The following SLC35A3 variants were observed in gnomAD, a reference collection of about 807,000 sequenced individuals.
SLC35A3 encodes the protein UDP-N-acetylglucosamine transporter.
SLC35A3 carries 26 observed loss-of-function variants against 39.0 expected under a neutral mutation model. The observed-to-expected ratio is 0.67, with a 90% CI of 0.49 to 0.92. SLC35A3 has a LOEUF of 0.92. Among genes scored for constraint, SLC35A3 ranks in the 40% least tolerant of loss-of-function variants. The pLI, the probability that SLC35A3 is intolerant of heterozygous loss-of-function variation, is 0.00. For synonymous variants in SLC35A3, 135 were observed against 133.1 expected, an observed-to-expected ratio of 1.01 and a Z score of -0.10; for missense variants, 299 against 371.6, an observed-to-expected ratio of 0.80 and a Z score of 1.61.
Position 100,024,885 on chromosome 1 carries a change from C to G in SLC35A3, c.*2409C>G. On this transcript the variant is annotated 3_prime_UTR_variant, in exon 8 of 8. Transcript: ENST00000533028. Reference sequence around the variant, plus strand: ...TGGATTTTATTAAACAGAATTGGCTCAAAAATACTATGTTACAGACTGTTG... The same window carrying G: ...TGGATTTTATTAAACAGAATTGGCTGAAAAATACTATGTTACAGACTGTTG... The G allele has an allele frequency of 2.7e-6, 1 of 369,588 alleles. No homozygotes were observed. The highest frequency in any genetic ancestry group is 3.9e-5 in the East Asian group (1 of 25,692). 22.9% of individuals were successfully genotyped at this position (369,588 alleles called of 1,614,324 possible).
intron 1 of SLC35A3, among the ~76,000 whole-genome samples, chr1:99,991,467 T>C (rs563253146): frequency 6.6e-6 from 1 of 152,308 alleles, no homozygotes; most frequent in South Asian, 2.1e-4. Flanking sequence ...ACTGTAGTTT[T>C]ATAGTAAGTC....
chr1:100,030,116 C>T lies in SLC35A3; in HGVS notation c.*7640C>T, dbSNP rs1157128643. 6.6e-6 allele frequency: 1 copy of T among 152,220 alleles called. No individual in the cohort carries two copies. Among genetic ancestry groups the T allele is most frequent in the Non-Finnish European group, 1.5e-5 (1 of 68,034 alleles). The allele number at this position is 152,220 out of a possible 1,614,324, so 9.4% of individuals were successfully genotyped here. On this transcript the variant is annotated 3_prime_UTR_variant, in exon 8 of 8. Transcript: ENST00000533028. Reference sequence around the variant, plus strand: ...TAGGGCTTCACTAGTGTTAGGATCACATTTTCCTCCCTTGGACCTGAGAAT... The same window carrying T: ...TAGGGCTTCACTAGTGTTAGGATCATATTTTCCTCCCTTGGACCTGAGAAT...
At position 99,990,433 on chromosome 1, in the gene SLC35A3, G is replaced by T. The variant is rs564339941; in HGVS notation, c.-18-3104G>T. Among the ~76,000 whole-genome samples, 31 of 152,214 alleles carry T rather than the reference G, an allele frequency of 2.0e-4. 1 individual carries two copies. In the South Asian group the frequency reaches 5.0e-3, roughly 24 times the overall value. The stretch of plus-strand genomic sequence containing the variant: ...TACTAAAAATACAAAAATTAGCTGG[G>T]TGTGGTGGCGTGTGCTTGTAATTCC... On this transcript the variant is annotated intron_variant, in intron 1 of 7. Coordinates refer to ENST00000533028, the MANE Select transcript of SLC35A3 (RefSeq NM_012243.3).
chr1:100,015,254 C>A, intron 5 of SLC35A3, 48 bp from the exon 6 acceptor site: 2 of 1,447,912 alleles, frequency 1.4e-6, no homozygotes, highest in East Asian at 2.6e-5. Flanking sequence ...AAATATATCT[C>A]TTCAGACAAA....
intron 2 of SLC35A3, among the ~76,000 whole-genome samples, chr1:99,998,833 T>C (rs1242082888): frequency 6.6e-6 from 1 of 152,162 alleles, no homozygotes; most frequent in African/African-American, 2.4e-5. Flanking sequence ...TGATTTACCT[T>C]CTTTTAATGA....
In SLC35A3 at chr1:100,007,161, C is replaced by A; in HGVS notation, c.465+5C>A. The A allele has an allele frequency of 6.3e-7, 1 of 1,599,624 alleles. No homozygotes were observed. The highest frequency in any genetic ancestry group is 8.5e-7 in the Non-Finnish European group (1 of 1,173,136). On this transcript the variant is annotated splice_donor_5th_base_variant and intron_variant, in intron 4 of 7. Transcript: ENST00000533028. ...ACAGGAGTTGCTTTTGTACAGGTAA[C>A]TATTCAAGATAAGTATATATTTTTA...
chr1:99,979,841 C>G (rs1434705830), intron 1 of SLC35A3, among the ~76,000 whole-genome samples: 1 of 151,842 alleles, frequency 6.6e-6, no homozygotes, highest in East Asian at 2.0e-4. Flanking sequence ...GTCAGGAGTT[C>G]GAGACCACCC....
intron 1 of SLC35A3, among the ~76,000 whole-genome samples, chr1:99,992,223 G>C (rs1310426443): frequency 6.6e-6 from 1 of 152,000 alleles, no homozygotes; most frequent in Non-Finnish European, 1.5e-5. Flanking sequence ...GTTAGTTTTT[G>C]CTTTATGTAT....
Position 100,007,058 on chromosome 1 carries a change from A to C in SLC35A3, c.367A>C (p.Thr123Pro). Residue 123 changes from threonine (T) to proline (P), a missense_variant, in exon 4 of 8, where the codon ACA (threonine) becomes CCA (proline). By Grantham distance (38) the Thr-to-Pro change is conservative. Coordinates refer to ENST00000533028, the MANE Select transcript of SLC35A3 (RefSeq NM_012243.3). ...YQVTYQLKIL[T>P]TALFSVSMLS... ...GGTCACGTATCAGTTAAAAATTCTT[A>C]CAACAGCATTATTTTCTGTGTCTAT... 1 of 1,607,846 alleles carries C rather than the reference A, an allele frequency of 6.2e-7. No individual in the cohort carries two copies. The highest frequency in any genetic ancestry group is 2.2e-5 in the East Asian group (1 of 44,780).
intron 7 of SLC35A3, among the ~76,000 whole-genome samples, chr1:100,018,238 A>T (rs528244318): frequency 6.6e-6 from 1 of 152,308 alleles, no homozygotes; most frequent in African/African-American, 2.4e-5. Flanking sequence ...CTGGAAAGGA[A>T]TTGCAGGAGG....
intron 1 of SLC35A3, among the ~76,000 whole-genome samples, chr1:99,980,190 A>G (rs1161779213): frequency 6.7e-6 from 1 of 150,246 alleles, no homozygotes; most frequent in East Asian, 1.9e-4. Context: ...CAATCTTCTT[A>G]GTTTTGAATC....
In SLC35A3 at chr1:100,032,960, A is replaced by G. The variant is rs931618982; in HGVS notation, c.*10484A>G. The G allele has an allele frequency of 6.6e-6, 1 of 152,202 alleles. No homozygotes were observed. Among genetic ancestry groups the G allele is most frequent in the African/African-American group, 2.4e-5 (1 of 41,460 alleles). The allele number at this position is 152,202 out of a possible 1,614,324, so 9.4% of individuals were successfully genotyped here. On this transcript the variant is annotated 3_prime_UTR_variant, in exon 8 of 8. Transcript: ENST00000533028. ...TTGTTCCAAATTTGGATTATCAGCTAATTCTCCAAGGAGCCCTATACCTTT... is the reference window on the plus strand; with the variant it reads ...TTGTTCCAAATTTGGATTATCAGCTGATTCTCCAAGGAGCCCTATACCTTT...
At chr1:100,004,851 T>C (rs1025879723) in intron 3 of SLC35A3, among the ~76,000 whole-genome samples, 11 of 152,292 alleles carry the variant, frequency 7.2e-5, no homozygotes, top group Middle Eastern at 3.4e-3. Context: ...CCTGTCCTCC[T>C]GCCTCATCCT....
rs1661422906 is a variant in SLC35A3, at chr1:100,035,010, C to A, written c.*12534C>A. 1 of 152,028 alleles carries A rather than the reference C, an allele frequency of 6.6e-6. No homozygotes were observed. Among genetic ancestry groups the A allele is most frequent in the Non-Finnish European group, 1.5e-5 (1 of 67,994 alleles). 9.4% of individuals were successfully genotyped at this position (152,028 alleles called of 1,614,324 possible). On this transcript the variant is annotated 3_prime_UTR_variant, in exon 8 of 8. Coordinates refer to ENST00000533028, the MANE Select transcript of SLC35A3 (RefSeq NM_012243.3). ...AGTGTTAGTTTCTGTTGATCCTAAC[C>A]AAAAAACCCTAACTGAGATATCAGT...
At chr1:99,999,879 T>C (rs1458584979) in intron 3 of SLC35A3, among the ~76,000 whole-genome samples, 3 of 152,088 alleles carry the variant, frequency 2.0e-5, no homozygotes, top group Non-Finnish European at 1.5e-5. Context: ...GCCTGGGTTG[T>C]TTCACTTAAC....
At chr1:100,002,789 T>C (rs1480522720) in intron 3 of SLC35A3, among the ~76,000 whole-genome samples, 1 of 151,830 alleles carries the variant, frequency 6.6e-6, no homozygotes, top group Non-Finnish European at 1.5e-5. Context: ...TTAATTTTTT[T>C]TTTTTTGTAG....
At chr1:100,005,932 A>G (rs1241050420) in intron 3 of SLC35A3, among the ~76,000 whole-genome samples, 3 of 152,206 alleles carry the variant, frequency 2.0e-5, no homozygotes, top group Non-Finnish European at 4.4e-5. Context: ...TTGTTTCCTT[A>G]CATTGATATC....
At chr1:99,990,818 G>GTCATGAAAGTGCAGCCC in intron 1 of SLC35A3, among the ~76,000 whole-genome samples, 1 of 152,164 alleles carries the variant, frequency 6.6e-6, no homozygotes, top group African/African-American at 2.4e-5. Context: ...AGGTAATTAG[G>GTCATGAAAGTGCAGCCC]TCATGAAAGT....
intron 3 of SLC35A3, among the ~76,000 whole-genome samples, chr1:100,001,653 A>G (rs887449032): frequency 6.6e-6 from 1 of 152,060 alleles, no homozygotes; most frequent in Admixed American, 6.6e-5. Flanking sequence ...AAGAGGGACA[A>G]TTTGACTTCC....
Sources: allele counts gnomAD v4.1 joint callset (sites outside exome capture counted in the v4.1 genomes callset), GRCh38; gene constraint gnomAD v4.1.1; transcripts MANE v1.5; gene names NCBI Gene and HGNC (gene_info 2026-07-23, HGNC 2026-07-21).